The following EYS variants were observed in gnomAD, a reference collection of about 807,000 sequenced individuals.
EYS encodes the protein EGF-like photoreceptor maintenance factor.
EYS carries 250 observed loss-of-function variants against 282.1 expected under a neutral mutation model. The observed-to-expected ratio is 0.89, with a 90% CI of 0.80 to 0.98. The LOEUF (loss-of-function observed/expected upper bound fraction) is 0.98, where lower values mean the gene tolerates loss of function less well. Ranked by LOEUF, EYS falls within the 50% of genes least tolerant of loss-of-function variation. The pLI, the probability that EYS is intolerant of heterozygous loss-of-function variation, is 0.00. For synonymous variants in EYS, 1,355 were observed against 1,282.9 expected, an observed-to-expected ratio of 1.06 and a Z score of -1.20; for missense variants, 4,016 against 3,709.0, an observed-to-expected ratio of 1.08 and a Z score of -2.15.
intron 24 of EYS, among the ~76,000 whole-genome samples, chr6:64,594,835 TATA>T (rs1467554077): frequency 6.6e-6 from 1 of 151,210 alleles, no homozygotes; most frequent in East Asian, 1.9e-4. Flanking sequence ...AAACTTAAAG[TATA>T]ATAATAATAA....
At position 64,310,215 on chromosome 6, in the gene EYS, C is replaced by A. The variant is rs148107416; in HGVS notation, c.6079-3133G>T. ...TTAAAGACTGAAATACCACTCGACC[C>A]AGCAATCCCATCACTGGGTACATAC... On this transcript the variant is annotated intron_variant, in intron 29 of 42. Transcript: ENST00000503581. Among the ~76,000 whole-genome samples, 8 of 152,256 alleles carry A rather than the reference C, an allele frequency of 5.3e-5. No homozygotes were observed. In the East Asian group the frequency reaches 1.5e-3, roughly 29 times the overall value.
chr6:65,405,393 A>AAG (rs1396693865), intron 5 of EYS, 26 bp from the exon 6 acceptor site: 15 of 1,580,872 alleles, frequency 9.5e-6, no homozygotes, highest in Non-Finnish European at 1.2e-5. Context: ...CACAAGAAAA[A>AAG]AAAAGAAAAG....
chr6:64,939,885 G>C (rs556459354), intron 15 of EYS, among the ~76,000 whole-genome samples: 1 of 152,048 alleles, frequency 6.6e-6, no homozygotes, highest in Non-Finnish European at 1.5e-5. Flanking sequence ...GCAAATGAGA[G>C]ATCACAAAAA....
intron 10 of EYS, among the ~76,000 whole-genome samples, chr6:65,340,617 T>C (rs2150317438): frequency 6.6e-6 from 1 of 151,166 alleles, no homozygotes; most frequent in African/African-American, 2.4e-5. Context: ...AATACGAAGC[T>C]TTCCTTCATA....
intron 28 of EYS, among the ~76,000 whole-genome samples, chr6:64,424,836 A>T (rs1364357792): frequency 6.6e-6 from 1 of 152,222 alleles, no homozygotes; most frequent in African/African-American, 2.4e-5. Context: ...CAATGAGTAA[A>T]ACAAGTAAAT....
At chr6:65,462,374 C>G (rs184376598) in intron 5 of EYS, among the ~76,000 whole-genome samples, 5 of 151,628 alleles carry the variant, frequency 3.3e-5, no homozygotes, top group Non-Finnish European at 5.9e-5. Flanking sequence ...TGTTTTGTAT[C>G]CTAATTATAA....
At chr6:64,134,211 G>C (rs1390971232) in intron 31 of EYS, among the ~76,000 whole-genome samples, 2 of 152,026 alleles carry the variant, frequency 1.3e-5, no homozygotes, top group Admixed American at 1.3e-4. Context: ...CTACTGGCCA[G>C]TTTTAAGCCA....
At chr6:64,700,386 C>T (rs1328877252) in intron 22 of EYS, among the ~76,000 whole-genome samples, 1 of 151,864 alleles carries the variant, frequency 6.6e-6, no homozygotes, top group Non-Finnish European at 1.5e-5. Flanking sequence ...TTAGCCAGAG[C>T]AATCAGGCAA....
At chr6:64,408,742 T>C (rs1269457990) in intron 28 of EYS, among the ~76,000 whole-genome samples, 3 of 152,200 alleles carry the variant, frequency 2.0e-5, no homozygotes, top group African/African-American at 4.8e-5. Flanking sequence ...TATACCATAG[T>C]CAATATGACT....
intron 5 of EYS, among the ~76,000 whole-genome samples, chr6:65,434,384 A>G (rs1004474705): frequency 2.7e-5 from 4 of 150,660 alleles, no homozygotes; most frequent in African/African-American, 9.8e-5. Context: ...GCAGTGGTGC[A>G]ATCTCGGCTC....
At chr6:64,376,111 G>T (rs1772555596) in intron 29 of EYS, among the ~76,000 whole-genome samples, 1 of 152,198 alleles carries the variant, frequency 6.6e-6, no homozygotes, top group South Asian at 2.1e-4. Flanking sequence ...ATGTACCATA[G>T]TGGAAGAGGA....
At chr6:65,692,670 A>T (rs1022391528) in intron 1 of EYS, among the ~76,000 whole-genome samples, 1 of 150,038 alleles carries the variant, frequency 6.7e-6, no homozygotes, top group Non-Finnish European at 1.5e-5. Context: ...AGGGACTAAA[A>T]CATATAATTT....
chr6:64,939,523 C>T (rs537730383), intron 15 of EYS, among the ~76,000 whole-genome samples: 14 of 151,886 alleles, frequency 9.2e-5, no homozygotes, highest in South Asian at 6.2e-4. Context: ...ATTTTTATGA[C>T]GTCTATATCA....
chr6:65,051,323 T>C (rs192231220), intron 13 of EYS, among the ~76,000 whole-genome samples: 32 of 151,716 alleles, frequency 2.1e-4, no homozygotes, highest in South Asian at 4.1e-4. Context: ...TGAAATTCAA[T>C]ATGTGCAGGT....
intron 19 of EYS, among the ~76,000 whole-genome samples, chr6:64,836,804 A>T (rs1454057953): frequency 6.6e-6 from 1 of 151,678 alleles, no homozygotes; most frequent in Admixed American, 6.6e-5. Context: ...AAAGACAAAT[A>T]TAATAAAAAT....
At chr6:64,856,664 T>C (rs1291534028) in intron 19 of EYS, among the ~76,000 whole-genome samples, 4 of 152,194 alleles carry the variant, frequency 2.6e-5, no homozygotes, top group African/African-American at 9.7e-5. Flanking sequence ...ATTTTGAATA[T>C]AAGTTTCTTA....
chr6:64,719,795 G>A (rs1359567853), intron 22 of EYS, among the ~76,000 whole-genome samples: 1 of 152,124 alleles, frequency 6.6e-6, no homozygotes, highest in Non-Finnish European at 1.5e-5. Flanking sequence ...TCCCAGAACG[G>A]GAGGCTGAGG....
intron 12 of EYS, among the ~76,000 whole-genome samples, chr6:65,124,280 CT>C (rs1775655194): frequency 6.6e-6 from 1 of 152,046 alleles, no homozygotes; most frequent in South Asian, 2.1e-4. Context: ...TATCATTGAG[CT>C]TGATGTTCGC....
intron 28 of EYS, among the ~76,000 whole-genome samples, chr6:64,403,357 A>G (rs2150437676): frequency 6.6e-6 from 1 of 152,174 alleles, no homozygotes; most frequent in East Asian, 1.9e-4. Context: ...AAAAAAAACA[A>G]AGTAATTTTT....
Sources: allele counts gnomAD v4.1 joint callset (sites outside exome capture counted in the v4.1 genomes callset), GRCh38; gene constraint gnomAD v4.1.1; transcripts MANE v1.5; gene names NCBI Gene and HGNC (gene_info 2026-07-23, HGNC 2026-07-21).